C2orf92: variants seen among roughly 807,000 people sequenced by gnomAD.
C2orf92 encodes chromosome 2 open reading frame 92.
intron 3 of C2orf92, among the ~76,000 whole-genome samples, chr2:97,681,631 G>A (rs954031724): frequency 1.3e-5 from 2 of 152,186 alleles, no homozygotes; most frequent in Non-Finnish European, 2.9e-5. Flanking sequence ...GGCCTAGGCG[G>A]GCGGATCACG....
In C2orf92 at chr2:97,699,118, C is replaced by G; in HGVS notation, c.496C>G (p.Gln166Glu). The change falls in exon 6 of 8, where the codon CAA (glutamine) becomes GAA (glutamate). Residue 166 changes from glutamine to glutamate, a missense_variant. Transcript: ENST00000627399. ...AACTACTATAGATAAAGAAACACTT[C>G]AAGGAGCAGCTAAACCAGGTGGGAA... ...QLTTIDKETLQGAAKPDAHFR... is the reference protein window; with the variant it reads ...QLTTIDKETLEGAAKPDAHFR... 2.5e-6 allele frequency: 1 copy of G among 398,584 alleles called. No individual in the cohort carries two copies. The highest frequency in any genetic ancestry group is 4.4e-6 in the Non-Finnish European group (1 of 226,048). 24.7% of individuals were successfully genotyped at this position (398,584 alleles called of 1,614,324 possible).
intron 2 of C2orf92, among the ~76,000 whole-genome samples, chr2:97,674,968 G>A (rs1033386875): frequency 6.6e-6 from 1 of 152,174 alleles, no homozygotes; most frequent in Non-Finnish European, 1.5e-5. Context: ...GCTTGGGAGA[G>A]TAATGTCTTC....
chr2:97,691,070 C>T (rs1386075448), intron 5 of C2orf92: 2 of 152,424 alleles, frequency 1.3e-5, no homozygotes, highest in African/African-American at 4.8e-5. Context: ...AGCCACCGCA[C>T]CTGGCCACAA....
intron 3 of C2orf92, among the ~76,000 whole-genome samples, chr2:97,683,737 C>T (rs1354035899): frequency 6.6e-6 from 1 of 152,096 alleles, no homozygotes; most frequent in Non-Finnish European, 1.5e-5. Flanking sequence ...TTTCTCATTT[C>T]AAAACTTGCT....
At chr2:97,669,683 T>C, upstream of C2orf92, 1 of 396,798 alleles carries the variant, frequency 2.5e-6, no homozygotes, top group Non-Finnish European at 4.4e-6. Context: ...CGTGTATGAC[T>C]TCATAGACCG....
intron 5 of C2orf92, among the ~76,000 whole-genome samples, chr2:97,693,366 T>C (rs1676201106): frequency 6.6e-6 from 1 of 152,202 alleles, no homozygotes; most frequent in South Asian, 2.1e-4. Flanking sequence ...TGGGGTCATA[T>C]GGTAAATCTA....
At chr2:97,691,943 C>T (rs905308593) in intron 5 of C2orf92, among the ~76,000 whole-genome samples, 4 of 152,248 alleles carry the variant, frequency 2.6e-5, no homozygotes, top group East Asian at 3.9e-4. Flanking sequence ...AATGTCTTGT[C>T]GGACTAGTTC....
rs565841805 is a variant in C2orf92, at chr2:97,680,722, C to T, written c.232+4794C>T. On this transcript the variant is annotated intron_variant, in intron 3 of 7. Coordinates refer to ENST00000627399, the MANE Select transcript of C2orf92 (RefSeq NM_001351368.2). Reference sequence around the variant, plus strand: ...CGGGCGGATCATGAGGTCAGGAGATCGAGACCATCCTGGCTAACACGGTGA... The same window carrying T: ...CGGGCGGATCATGAGGTCAGGAGATTGAGACCATCCTGGCTAACACGGTGA... Among the ~76,000 whole-genome samples, 282 of 152,104 alleles carry T rather than the reference C, an allele frequency of 1.9e-3. 1 individual carries two copies. The highest frequency in any genetic ancestry group is 3.2e-3 in the Non-Finnish European group (218 of 67,978).
At chr2:97,697,728 T>A (rs572927529) in intron 5 of C2orf92, among the ~76,000 whole-genome samples, 2 of 152,228 alleles carry the variant, frequency 1.3e-5, no homozygotes, top group East Asian at 3.9e-4. Flanking sequence ...TTTTATTGTT[T>A]AATTTTATTA....
chr2:97,685,603 C>T (rs974159718), intron 3 of C2orf92, among the ~76,000 whole-genome samples: 19 of 151,386 alleles, frequency 1.3e-4, no homozygotes, highest in African/African-American at 4.6e-4. Context: ...TGCTCTGTCA[C>T]CCAGGCTGGA....
Position 97,669,721 on chromosome 2 carries a change from C to T in C2orf92, c.-68C>T. The T allele has an allele frequency of 5.0e-6, 2 of 398,480 alleles. No individual in the cohort carries two copies. The highest frequency in any genetic ancestry group is 3.6e-5 in the East Asian group (1 of 28,074). The allele number at this position is 398,480 out of a possible 1,614,324, so 24.7% of individuals were successfully genotyped here. ...AGGTTCCGTGGTACCCTGGAGTCCA[C>T]AGCTGCTGAATCTGAAGGGCCATCA... is the stretch of plus-strand genomic sequence containing the variant. On this transcript the variant is annotated 5_prime_UTR_variant, in exon 1 of 8. Transcript: ENST00000627399.
intron 5 of C2orf92, chr2:97,691,209 T>C (rs1267183580): frequency 1.3e-5 from 2 of 152,254 alleles, no homozygotes; most frequent in African/African-American, 4.8e-5. Context: ...TCTGCTTCTG[T>C]GATATGTACA....
chr2:97,681,466 G>A (rs1360407504), intron 3 of C2orf92, among the ~76,000 whole-genome samples: 1 of 152,124 alleles, frequency 6.6e-6, no homozygotes, highest in African/African-American at 2.4e-5. Flanking sequence ...AATCACAAGG[G>A]AATTTAGAAA....
In C2orf92 at chr2:97,672,819, CTG is replaced by C. The variant is rs570699880; in HGVS notation, c.47-1634_47-1633del. Among the ~76,000 whole-genome samples, 8 of 152,224 alleles carry C rather than the reference CTG, an allele frequency of 5.3e-5. No individual in the cohort carries two copies. The South Asian group carries it at 1.7e-3, about 32-fold the overall frequency. On this transcript the variant is annotated intron_variant, in intron 1 of 7. Transcript: ENST00000627399. Reference sequence around the variant, plus strand: ...CCCGATGGTTCATTTTCTGGTGTCTCTGTGGTGAGCTCCTGTTACATCAAGCG... The same window carrying C: ...CCCGATGGTTCATTTTCTGGTGTCTCTGGTGAGCTCCTGTTACATCAAGCG...
intron 1 of C2orf92, chr2:97,671,158 G>A (rs928398092): frequency 2.5e-5 from 5 of 203,902 alleles, no homozygotes; most frequent in Non-Finnish European, 4.9e-5. Flanking sequence ...TAAGTTACTA[G>A]TAAATTAGTA....
intron 3 of C2orf92, among the ~76,000 whole-genome samples, chr2:97,686,621 A>G (rs1191671623): frequency 1.3e-5 from 2 of 152,038 alleles, no homozygotes; most frequent in African/African-American, 2.4e-5. Context: ...GGGTTTCACC[A>G]TGTTGGCCAG....
At chr2:97,671,181 T>C (rs1380355429) in intron 1 of C2orf92, 1 of 252,692 alleles carries the variant, frequency 4.0e-6, no homozygotes, top group Non-Finnish European at 7.4e-6. Context: ...TACTAAAATA[T>C]AATTTTTAGT....
At position 97,674,494 on chromosome 2, in the gene C2orf92, G is replaced by T; in HGVS notation, c.85G>T (p.Asp29Tyr). 2 of 398,568 alleles carry T rather than the reference G, an allele frequency of 5.0e-6. No individual in the cohort carries two copies. Among genetic ancestry groups the T allele is most frequent in the South Asian group, 2.6e-4 (2 of 7,832 alleles). The allele number at this position is 398,568 out of a possible 1,614,324, so 24.7% of individuals were successfully genotyped here. A position where few individuals can be genotyped will look rare whatever the true frequency, so the allele number is the denominator to read the frequency against. The change falls in exon 2 of 8, where the codon GAC becomes TAC. Residue 29 changes from aspartate (D) to tyrosine (Y), a missense_variant. Coordinates refer to ENST00000627399, the MANE Select transcript of C2orf92 (RefSeq NM_001351368.2). The part of the protein sequence containing the change: ...VLQVFSKVPY[D>Y]PSFDETRTAV... ...CCAAGTGTTTTCCAAGGTTCCGTAT[G>T]ACCCATCATTTGATGAAACAAGAAC... is the stretch of plus-strand genomic sequence containing the variant.
At chr2:97,673,773 G>C (rs564685623) in intron 1 of C2orf92, among the ~76,000 whole-genome samples, 1 of 152,208 alleles carries the variant, frequency 6.6e-6, no homozygotes, top group Admixed American at 6.5e-5. Flanking sequence ...CTTCCTCTCT[G>C]AACCCCCAGC....
Sources: allele counts gnomAD v4.1 joint callset (sites outside exome capture counted in the v4.1 genomes callset), GRCh38; gene constraint gnomAD v4.1.1; transcripts MANE v1.5; gene names NCBI Gene and HGNC (gene_info 2026-07-23, HGNC 2026-07-21).